Variants in SLCO3A1 observed in about 807,000 individuals in gnomAD.
The protein encoded by SLCO3A1 is solute carrier organic anion transporter family member 3A1, also known as PGE1 transporter.
A neutral mutation model predicts 63.1 loss-of-function variants in SLCO3A1; 27 were observed. That is an observed-to-expected ratio of 0.43 (90% CI 0.32 to 0.59). The LOEUF (loss-of-function observed/expected upper bound fraction) is 0.59. Ranked by LOEUF, SLCO3A1 falls within the 20% of genes least tolerant of loss-of-function variation. The pLI, the probability that SLCO3A1 is intolerant of heterozygous loss-of-function variation, is 0.09. For synonymous variants in SLCO3A1, 473 were observed against 409.9 expected, an observed-to-expected ratio of 1.15 and a Z score of -1.86; for missense variants, 773 against 945.8, an observed-to-expected ratio of 0.82 and a Z score of 2.40.
Position 92,123,856 on chromosome 15 carries a change from G to A in SLCO3A1, c.1175-2205G>A, listed in dbSNP as rs554999620. Among the ~76,000 whole-genome samples the A allele has an allele frequency of 3.2e-4, 49 of 152,264 alleles. No homozygotes were observed. In the South Asian group the frequency reaches 7.1e-3, roughly 22 times the overall value. On this transcript the variant is annotated intron_variant, in intron 5 of 9. Coordinates refer to ENST00000318445, the MANE Select transcript of SLCO3A1 (RefSeq NM_013272.4). ...GACAAACAAATCAATAGTCTTCAGG[G>A]CAGAAGGTCAAAAAAACAATTCTGC...
chr15:92,033,640 C>T lies in SLCO3A1; in HGVS notation c.647-61241C>T, dbSNP rs2046683728. 6.6e-6 allele frequency among the ~76,000 whole-genome samples: 1 copy of T among 152,204 alleles called. No homozygotes were observed. Among genetic ancestry groups the T allele is most frequent in the Admixed American group, 6.5e-5 (1 of 15,274 alleles). On this transcript the variant is annotated intron_variant, in intron 2 of 9. Coordinates refer to ENST00000318445, the MANE Select transcript of SLCO3A1 (RefSeq NM_013272.4). This position sits in a 1 kb window ranked among gnomAD's most constrained non-coding sequence, Gnocchi z 4.5. ...CAAACAAAATAGAGAAAAATCCCTT[C>T]CCACTCAGATCACATATTCCAGTGA...
intron 2 of SLCO3A1, among the ~76,000 whole-genome samples, chr15:92,038,041 C>T (rs2046749305): frequency 6.6e-6 from 1 of 152,110 alleles, no homozygotes; most frequent in Non-Finnish European, 1.5e-5. Flanking sequence ...TTGAAGGTGA[C>T]CAAGAACCTC....
intron 4 of SLCO3A1, among the ~76,000 whole-genome samples, chr15:92,111,923 T>C (rs2047733993): frequency 1.3e-5 from 2 of 152,218 alleles, no homozygotes; most frequent in Non-Finnish European, 2.9e-5. Flanking sequence ...CTGTGTGCTG[T>C]TTGATCCTCT....
intron 10 of SLCO3A1, chr15:92,170,946 C>T (rs2048517704): frequency 6.6e-6 from 1 of 152,230 alleles, no homozygotes; most frequent in African/African-American, 2.4e-5. Context: ...GAACCCAAGA[C>T]TGTAAGAACG....
chr15:92,008,568 A>G (rs28651868), intron 2 of SLCO3A1, among the ~76,000 whole-genome samples: 12,969 of 152,252 alleles, frequency 0.085, 1,877 homozygotes, highest in African/African-American at 0.29. Context: ...GGCATACTAC[A>G]ATCATCTAGA....
At chr15:92,010,833 A>G (rs2046360933) in intron 2 of SLCO3A1, among the ~76,000 whole-genome samples, 1 of 152,142 alleles carries the variant, frequency 6.6e-6, no homozygotes, top group Non-Finnish European at 1.5e-5. Flanking sequence ...AACTGTCTCT[A>G]TGATCCAATC....
chr15:91,958,841 C>T (rs950755748), intron 2 of SLCO3A1, among the ~76,000 whole-genome samples: 1 of 152,124 alleles, frequency 6.6e-6, no homozygotes, highest in African/African-American at 2.4e-5. Context: ...TTAGTACAGC[C>T]ACTATGGAAA....
chr15:92,014,315 A>G (rs576447167), intron 2 of SLCO3A1, among the ~76,000 whole-genome samples: 2 of 152,286 alleles, frequency 1.3e-5, no homozygotes, highest in South Asian at 4.1e-4. Flanking sequence ...ACCTGGGCAC[A>G]GATGTGAAGC....
rs1453778241 is a variant in SLCO3A1, at chr15:91,882,061, G to A, written c.180+27973G>A. On this transcript the variant is annotated intron_variant, in intron 1 of 9. Coordinates refer to ENST00000318445, the MANE Select transcript of SLCO3A1 (RefSeq NM_013272.4). The surrounding 1 kb of genome is among the most constrained non-coding windows in gnomAD (Gnocchi z 4.4). Reference sequence around the variant, plus strand: ...CAGCCACTGAGACCAATGTTATATGGAGGTGGAATATTACTCAAGGACATC... The same window carrying A: ...CAGCCACTGAGACCAATGTTATATGAAGGTGGAATATTACTCAAGGACATC... 2.0e-5 allele frequency among the ~76,000 whole-genome samples: 3 copies of A among 152,170 alleles called. No individual in the cohort carries two copies. The highest frequency in any genetic ancestry group is 7.2e-5 in the African/African-American group (3 of 41,428).
chr15:91,853,924 C>CCGGGCGGTTCGT lies in SLCO3A1; in HGVS notation c.24_35dup (p.Ser9_Gly12dup). On this transcript the variant is annotated inframe_insertion, in exon 1 of 10. Transcript: ENST00000318445. Reference sequence around the variant, plus strand: ...CGGGGGAAGGATGCAGGGGAAGAAGCCGGGCGGTTCGTCGGGCGGCGGCCG... The same window carrying CCGGGCGGTTCGT: ...CGGGGGAAGGATGCAGGGGAAGAAGCCGGGCGGTTCGTCGGGCGGTTCGTCGGGCGGCGGCCG... 1 of 1,445,880 alleles carries CCGGGCGGTTCGT rather than the reference C, an allele frequency of 6.9e-7. No individual in the cohort carries two copies. Among genetic ancestry groups the CCGGGCGGTTCGT allele is most frequent in the South Asian group, 1.4e-5 (1 of 73,406 alleles). The allele number at this position is 1,445,880 out of a possible 1,614,324, so 89.6% of individuals were successfully genotyped here.
chr15:91,888,106 G>C (rs2151353757), intron 1 of SLCO3A1, among the ~76,000 whole-genome samples: 1 of 152,304 alleles, frequency 6.6e-6, no homozygotes, highest in Non-Finnish European at 1.5e-5. Context: ...TCTTGTTTGT[G>C]GTTTGGTTGG....
chr15:91,884,511 CAA>C (rs776448274), intron 1 of SLCO3A1, among the ~76,000 whole-genome samples: 16 of 102,266 alleles, frequency 1.6e-4, no homozygotes, highest in African/African-American at 3.5e-4. Context: ...GATTCTGTCT[CAA>C]AAAAAAAAAA....
At chr15:91,923,156 A>G (rs1898903514) in intron 2 of SLCO3A1, among the ~76,000 whole-genome samples, 1 of 152,170 alleles carries the variant, frequency 6.6e-6, no homozygotes, top group Non-Finnish European at 1.5e-5. Context: ...GGTCTGGTCT[A>G]CCTGGCCAGG....
intron 1 of SLCO3A1, among the ~76,000 whole-genome samples, chr15:91,868,354 C>CTTTT (rs72068160): frequency 4.8e-5 from 5 of 104,886 alleles, no homozygotes; most frequent in Admixed American, 1.0e-4. Flanking sequence ...ACCCAGCCGG[C>CTTTT]TTTTTTTTTT....
intron 2 of SLCO3A1, among the ~76,000 whole-genome samples, chr15:91,926,609 G>GCC (rs1555450209): frequency 6.7e-6 from 1 of 150,032 alleles, no homozygotes; most frequent in Non-Finnish European, 1.5e-5. Flanking sequence ...GCGCGCGCAC[G>GCC]CCCATGCTTA....
intron 2 of SLCO3A1, among the ~76,000 whole-genome samples, chr15:92,081,274 CTT>C (rs768156604): frequency 9.2e-5 from 14 of 152,106 alleles, no homozygotes; most frequent in Non-Finnish European, 1.6e-4. Context: ...TCATTCTACT[CTT>C]TACCTCCCAA....
intron 2 of SLCO3A1, among the ~76,000 whole-genome samples, chr15:92,024,785 G>A (rs368207739): frequency 9.2e-5 from 14 of 152,186 alleles, no homozygotes; most frequent in African/African-American, 3.1e-4. Context: ...CTGAGAAGGT[G>A]ACATTTGAAC....
chr15:92,152,093 C>A (rs1483644308), intron 9 of SLCO3A1, among the ~76,000 whole-genome samples: 1 of 152,114 alleles, frequency 6.6e-6, no homozygotes, highest in Non-Finnish European at 1.5e-5. Context: ...CAATATTTTT[C>A]CATTTTATCA....
intron 3 of SLCO3A1, chr15:92,098,358 C>T (rs1320492810): frequency 6.6e-6 from 1 of 152,288 alleles, no homozygotes; most frequent in Admixed American, 6.5e-5. Flanking sequence ...CCCGCTGCTG[C>T]CTTTCATCCA....
Sources: allele counts gnomAD v4.1 joint callset (sites outside exome capture counted in the v4.1 genomes callset), GRCh38; gene constraint gnomAD v4.1.1; non-coding constraint Gnocchi (gnomAD v3.1); transcripts MANE v1.5; gene names NCBI Gene and HGNC (gene_info 2026-07-23, HGNC 2026-07-21).